The following SYNDIG1 variants were observed in gnomAD, a reference collection of about 807,000 sequenced individuals.
SYNDIG1 encodes synapse differentiation inducing 1, also known as synapse differentiation-inducing gene protein 1.
Under a neutral mutation model 19.4 loss-of-function variants are expected in SYNDIG1, and 9 were observed. That is an observed-to-expected ratio of 0.46 (90% CI 0.28 to 0.81). The LOEUF is 0.81. Among genes scored for constraint, SYNDIG1 ranks in the 30% least tolerant of loss-of-function variants. The pLI is 0.12. For missense variants in SYNDIG1, 311 were observed against 343.3 expected (o/e 0.91, Z 0.74); for synonymous variants, 141 against 145.9 (o/e 0.97, Z 0.24).
chr20:24,651,612 G>T (rs2059475284), intron 3 of SYNDIG1, among the ~76,000 whole-genome samples: 1 of 152,202 alleles, frequency 6.6e-6, no homozygotes, highest in African/African-American at 2.4e-5. Context: ...TTCCTCTCCT[G>T]GGCCACCAGG....
intron 1 of SYNDIG1, among the ~76,000 whole-genome samples, chr20:24,474,931 A>G (rs2146200001): frequency 6.6e-6 from 1 of 152,354 alleles, no homozygotes; most frequent in African/African-American, 2.4e-5. Flanking sequence ...TAGAACCACA[A>G]AAGTTTTATT....
At chr20:24,565,932 T>TTG (rs369432157) in intron 2 of SYNDIG1, among the ~76,000 whole-genome samples, 2,644 of 150,776 alleles carry the variant, frequency 0.018, 43 homozygotes, top group South Asian at 0.046. Flanking sequence ...ATGCCATTAT[T>TTG]TGTGTGTGTG....
intron 1 of SYNDIG1, among the ~76,000 whole-genome samples, chr20:24,517,766 T>C (rs1432162788): frequency 2.0e-5 from 3 of 146,796 alleles, no homozygotes; most frequent in Admixed American, 6.9e-5. Flanking sequence ...TGTGTATATA[T>C]ATATATACAT....
chr20:24,611,529 C>G (rs1180296039), intron 3 of SYNDIG1, among the ~76,000 whole-genome samples: 1 of 152,122 alleles, frequency 6.6e-6, no homozygotes, highest in Non-Finnish European at 1.5e-5. Context: ...ACCATCCTCC[C>G]CACGGGGTCT....
chr20:24,551,512 C>T (rs181869963), intron 2 of SYNDIG1, among the ~76,000 whole-genome samples: 2 of 151,880 alleles, frequency 1.3e-5, no homozygotes, highest in East Asian at 3.9e-4. Flanking sequence ...TTATGACATC[C>T]TGCCCTCTGT....
chr20:24,505,276 C>G (rs2056560074), intron 1 of SYNDIG1, among the ~76,000 whole-genome samples: 1 of 152,142 alleles, frequency 6.6e-6, no homozygotes, highest in Admixed American at 6.5e-5. Flanking sequence ...GGTGCGCAGC[C>G]AGGGGAGCCC....
intron 2 of SYNDIG1, among the ~76,000 whole-genome samples, chr20:24,571,738 C>T (rs924397353): frequency 1.3e-5 from 2 of 152,212 alleles, no homozygotes; most frequent in Non-Finnish European, 2.9e-5. Context: ...ACACCCCAGC[C>T]CATCCCTTGA....
At chr20:24,595,423 T>G (rs1204224416) in intron 3 of SYNDIG1, among the ~76,000 whole-genome samples, 2 of 152,300 alleles carry the variant, frequency 1.3e-5, no homozygotes, top group Non-Finnish European at 2.9e-5. Context: ...AATTTTTACA[T>G]CTATGTTTAT....
At chr20:24,487,327 T>C (rs2055996058) in intron 1 of SYNDIG1, among the ~76,000 whole-genome samples, 1 of 152,236 alleles carries the variant, frequency 6.6e-6, no homozygotes, top group Non-Finnish European at 1.5e-5. Context: ...AAATCAGTGC[T>C]GTAGTTGGCA....
intron 2 of SYNDIG1, among the ~76,000 whole-genome samples, chr20:24,565,684 A>G (rs2058031555): frequency 6.6e-6 from 1 of 152,130 alleles, no homozygotes; most frequent in Admixed American, 6.5e-5. Flanking sequence ...TGGGCAGCAG[A>G]TCACCCGACA....
intron 1 of SYNDIG1, among the ~76,000 whole-genome samples, chr20:24,470,163 G>A (rs1177573849): frequency 3.9e-5 from 6 of 152,210 alleles, no homozygotes; most frequent in African/African-American, 1.2e-4. Context: ...CCATGAGGGC[G>A]CGCGGCGGGC....
At chr20:24,636,782 A>G (rs1432131395) in intron 3 of SYNDIG1, among the ~76,000 whole-genome samples, 1 of 152,252 alleles carries the variant, frequency 6.6e-6, no homozygotes, top group Non-Finnish European at 1.5e-5. Flanking sequence ...TTAGAAAAGA[A>G]GTGATTTGGG....
chr20:24,587,767 G>A (rs1042574006), intron 3 of SYNDIG1, among the ~76,000 whole-genome samples: 6 of 152,174 alleles, frequency 3.9e-5, no homozygotes, highest in Admixed American at 6.5e-5. Context: ...TGGGCAAAGA[G>A]CATGTTGGTG....
intron 1 of SYNDIG1, among the ~76,000 whole-genome samples, chr20:24,510,445 T>C (rs902212555): frequency 6.6e-6 from 1 of 151,078 alleles, no homozygotes; most frequent in African/African-American, 2.4e-5. Flanking sequence ...GGTGGGCGCC[T>C]GTAATCCCAA....
chr20:24,513,481 C>T (rs1411696798), intron 1 of SYNDIG1, among the ~76,000 whole-genome samples: 2 of 152,118 alleles, frequency 1.3e-5, no homozygotes, highest in Non-Finnish European at 2.9e-5. Context: ...GACAAATGCA[C>T]AAGCTTCAGT....
intron 3 of SYNDIG1, among the ~76,000 whole-genome samples, chr20:24,638,889 CAG>C (rs1186336913): frequency 2.0e-5 from 3 of 152,162 alleles, no homozygotes; most frequent in Admixed American, 6.5e-5. Context: ...GAAATAAACA[CAG>C]GGGTAGCCCA....
At chr20:24,523,720 T>G (rs2057056254) in intron 1 of SYNDIG1, among the ~76,000 whole-genome samples, 1 of 152,218 alleles carries the variant, frequency 6.6e-6, no homozygotes, top group South Asian at 2.1e-4. Context: ...TCTGGCTGTG[T>G]GTGTTTTTCT....
At chr20:24,578,775 G>A (rs566535440) in intron 2 of SYNDIG1, among the ~76,000 whole-genome samples, 2 of 152,320 alleles carry the variant, frequency 1.3e-5, no homozygotes, top group African/African-American at 4.8e-5. Flanking sequence ...CAAGCCCAGA[G>A]TAAAGAGGGT....
chr20:24,471,632 T>C (rs1478322020), intron 1 of SYNDIG1, among the ~76,000 whole-genome samples: 2 of 146,430 alleles, frequency 1.4e-5, no homozygotes, highest in African/African-American at 2.5e-5. Context: ...AAAGAAAAGA[T>C]GGAGAAACCT....
Sources: gnomAD v4.1 joint callset for allele counts (sites outside exome capture counted in the v4.1 genomes callset) on GRCh38, gnomAD v4.1.1 for gene constraint, MANE v1.5 for transcripts, NCBI Gene and HGNC (gene_info 2026-07-23, HGNC 2026-07-21) for gene names.